Variants in TTLL11 observed in about 807,000 individuals in gnomAD.
The protein encoded by TTLL11 is tubulin tyrosine ligase like 11, also known as tubulin polyglutamylase TTLL11.
Under a neutral mutation model 51.7 loss-of-function variants are expected in TTLL11, and 42 were observed. The observed-to-expected ratio is 0.81, with a 90% CI of 0.64 to 1.05. TTLL11 has a LOEUF of 1.05. Ranked by LOEUF, TTLL11 falls within the 50% of genes least tolerant of loss-of-function variation. TTLL11 has a pLI of 0.00. For synonymous variants in TTLL11, 381 were observed against 383.5 expected (o/e 0.99, Z 0.08); for missense variants, 799 against 940.4 (o/e 0.85, Z 1.97).
intron 7 of TTLL11, among the ~76,000 whole-genome samples, chr9:121,869,022 A>G (rs4388516): frequency 0.57 from 87,391 of 152,106 alleles, 25,455 homozygotes; most frequent in East Asian, 0.85. Flanking sequence ...CAGAGAAGAT[A>G]AGGAATTTAT....
chr9:121,991,490 G>C (rs1187777825), intron 3 of TTLL11, among the ~76,000 whole-genome samples: 1 of 152,148 alleles, frequency 6.6e-6, no homozygotes, highest in Non-Finnish European at 1.5e-5. Context: ...CGTACACTTG[G>C]CCCTTTACAG....
chr9:122,013,128 G>A (rs1365083292), intron 3 of TTLL11, among the ~76,000 whole-genome samples: 1 of 152,148 alleles, frequency 6.6e-6, no homozygotes, highest in Middle Eastern at 3.2e-3. Context: ...CTACAGATGA[G>A]GAAATTGAGG....
chr9:121,902,517 T>C (rs1215285846), intron 6 of TTLL11, among the ~76,000 whole-genome samples: 1 of 152,222 alleles, frequency 6.6e-6, no homozygotes, highest in Admixed American at 6.5e-5. Context: ...TGTCCCACTT[T>C]AGGCTTAGTG....
chr9:121,930,366 T>A (rs7037851), intron 6 of TTLL11, among the ~76,000 whole-genome samples: 11,748 of 152,278 alleles, frequency 0.077, 661 homozygotes, highest in African/African-American at 0.16. Context: ...TTTACTCAAA[T>A]AGTTTGAAGC....
intron 1 of TTLL11, among the ~76,000 whole-genome samples, chr9:122,063,261 T>A (rs1411670982): frequency 6.6e-6 from 1 of 152,198 alleles, no homozygotes; most frequent in African/African-American, 2.4e-5. Context: ...CTTGTGAGAT[T>A]TAAATAATAT....
chr9:121,835,853 T>C (rs1837165632), intron 8 of TTLL11, among the ~76,000 whole-genome samples: 1 of 152,218 alleles, frequency 6.6e-6, no homozygotes, highest in African/African-American at 2.4e-5. Flanking sequence ...AACTGCTTCA[T>C]GCTGTTGTGG....
intron 6 of TTLL11, among the ~76,000 whole-genome samples, chr9:121,904,000 C>T (rs1839850830): frequency 6.6e-6 from 1 of 152,220 alleles, no homozygotes. Context: ...TACAAGCCAA[C>T]TCAGCTTCAT....
intron 1 of TTLL11, among the ~76,000 whole-genome samples, chr9:122,089,080 T>C (rs905745959): frequency 6.6e-6 from 1 of 151,190 alleles, no homozygotes; most frequent in Non-Finnish European, 1.5e-5. Context: ...TGAGCAAACT[T>C]CTGAATTCAC....
intron 6 of TTLL11, among the ~76,000 whole-genome samples, chr9:121,908,047 A>G (rs1290316511): frequency 1.3e-5 from 2 of 152,148 alleles, no homozygotes; most frequent in African/African-American, 4.8e-5. Context: ...AGAAGAAGAG[A>G]AGGAGTAGGT....
At chr9:122,091,576 T>G (rs139310199) in intron 1 of TTLL11, among the ~76,000 whole-genome samples, 1 of 152,288 alleles carries the variant, frequency 6.6e-6, no homozygotes, top group Non-Finnish European at 1.5e-5. Context: ...TCTGACCACA[T>G]CAGTCCTTTC....
rs1450108529 is a variant in TTLL11, at chr9:121,974,003, A to G, written c.1481+6T>C. On this transcript the variant is annotated splice_donor_region_variant and intron_variant, in intron 6 of 8. Coordinates refer to ENST00000321582, the MANE Select transcript of TTLL11 (RefSeq NM_001139442.2). ...ATAGAAATGAATGACATAAAAAAGTACTTACTGATTCTCTCTTTTCTTCTT... is the reference window on the plus strand; with the variant it reads ...ATAGAAATGAATGACATAAAAAAGTGCTTACTGATTCTCTCTTTTCTTCTT... The G allele has an allele frequency of 3.9e-6, 6 of 1,548,886 alleles. No individual in the cohort carries two copies. The South Asian group carries it at 7.1e-5, about 18-fold the overall frequency.
chr9:121,895,532 ACTGTGT>A (rs1276377708), intron 6 of TTLL11, among the ~76,000 whole-genome samples: 1 of 137,264 alleles, frequency 7.3e-6, no homozygotes, highest in Admixed American at 7.2e-5. Context: ...TGTGACTGTG[ACTGTGT>A]GTTTCGTTGT....
At chr9:121,883,434 T>G (rs1212197363) in intron 6 of TTLL11, among the ~76,000 whole-genome samples, 1 of 152,224 alleles carries the variant, frequency 6.6e-6, no homozygotes, top group African/African-American at 2.4e-5. Context: ...CAGCTAGGGA[T>G]GTTGGGTCAA....
intron 6 of TTLL11, among the ~76,000 whole-genome samples, chr9:121,886,593 G>T (rs1461361528): frequency 6.6e-6 from 1 of 152,190 alleles, no homozygotes; most frequent in Non-Finnish European, 1.5e-5. Flanking sequence ...CAGACTTCTG[G>T]CCTCCAGCAC....
Position 121,974,017 on chromosome 9 carries a change from T to C in TTLL11, c.1473A>G (p.Arg491=). The change falls in exon 6 of 9, where the codon AGA becomes AGG. Residue 491 remains arginine (R), a synonymous_variant. Coordinates refer to ENST00000321582, the MANE Select transcript of TTLL11 (RefSeq NM_001139442.2). The stretch of plus-strand genomic sequence containing the variant: ...CATAAAAAAGTACTTACTGATTCTC[T>C]CTTTTCTTCTTAAGTGGGTCCATGA... ...LRLMDPLKKK[R]ENQSQQLEKP... 1 of 1,551,422 alleles carries C rather than the reference T, an allele frequency of 6.4e-7. No individual in the cohort carries two copies. The highest frequency in any genetic ancestry group is 1.4e-5 in the African/African-American group (1 of 73,164).
At chr9:121,983,070 G>T (rs1032514601) in intron 4 of TTLL11, among the ~76,000 whole-genome samples, 7 of 152,218 alleles carry the variant, frequency 4.6e-5, no homozygotes, top group Non-Finnish European at 7.3e-5. Context: ...GGTGATGGCT[G>T]CCTAGACTGG....
In TTLL11 at chr9:121,989,687, G is replaced by A. The variant is rs1230352122; in HGVS notation, c.777C>T (p.Ile259=). 3 of 1,613,952 alleles carry A rather than the reference G, an allele frequency of 1.9e-6. No homozygotes were observed. The highest frequency in any genetic ancestry group is 1.3e-5 in the African/African-American group (1 of 74,896). The change falls in exon 4 of 9, where the codon ATC becomes ATT. Residue 259 remains isoleucine, a synonymous_variant. Transcript: ENST00000321582. This position sits in a 1 kb window ranked among gnomAD's most constrained non-coding sequence, Gnocchi z 4.2. ...TGTCACTGGGGTCTTTAATGAGGTA[G>A]ATTCCATCACCCTGACAACCACCAT... ...KPDGGCQGDG[I]YLIKDPSDIR...
chr9:121,913,134 A>G (rs1305134021), intron 6 of TTLL11, among the ~76,000 whole-genome samples: 1 of 152,136 alleles, frequency 6.6e-6, no homozygotes, highest in African/African-American at 2.4e-5. Context: ...TCTCCCGATG[A>G]TTTCTTATCC....
chr9:121,897,105 C>T, intron 6 of TTLL11, among the ~76,000 whole-genome samples: 1 of 152,190 alleles, frequency 6.6e-6, no homozygotes, highest in East Asian at 1.9e-4. Context: ...CATGCACACA[C>T]AGGAAAAGAT....
Sources: allele counts gnomAD v4.1 joint callset (sites outside exome capture counted in the v4.1 genomes callset), GRCh38; gene constraint gnomAD v4.1.1; non-coding constraint Gnocchi (gnomAD v3.1); transcripts MANE v1.5; gene names NCBI Gene and HGNC (gene_info 2026-07-23, HGNC 2026-07-21).